VEGFC: variants seen among roughly 807,000 people sequenced by gnomAD.
VEGFC encodes the protein vascular endothelial growth factor C.
A neutral mutation model predicts 46.1 loss-of-function variants in VEGFC; 12 were observed. The ratio of observed to expected loss-of-function variants is 0.26; its 90% confidence interval spans 0.17 to 0.42. VEGFC has a LOEUF of 0.42. Among genes scored for constraint, VEGFC ranks in the 10% least tolerant of loss-of-function variants. The probability of loss-of-function intolerance (pLI) is 1.00; values close to 1 mark genes in which losing one functional copy is unlikely to be tolerated. For missense variants in VEGFC, 488 were observed against 529.4 expected (o/e 0.92, Z 0.77); for synonymous variants, 232 against 195.5 (o/e 1.19, Z -1.56).
chr4:176,697,734 C>A (rs1180537507), intron 4 of VEGFC, among the ~76,000 whole-genome samples: 1 of 151,364 alleles, frequency 6.6e-6, no homozygotes, highest in African/African-American at 2.4e-5. Flanking sequence ...TGGAACCAAC[C>A]CAAATGTCCA....
intron 1 of VEGFC, among the ~76,000 whole-genome samples, chr4:176,784,061 C>CTTT (rs1553998053): frequency 2.8e-5 from 1 of 35,178 alleles, no homozygotes; most frequent in African/African-American, 4.7e-5. Flanking sequence ...TATGCACATG[C>CTTT]TGTTTTTTTT....
At chr4:176,764,508 A>G (rs1233296606) in intron 1 of VEGFC, among the ~76,000 whole-genome samples, 2 of 152,328 alleles carry the variant, frequency 1.3e-5, no homozygotes, top group South Asian at 2.1e-4. Flanking sequence ...AGCCAAGCAA[A>G]TATCTTCTGA....
intron 1 of VEGFC, among the ~76,000 whole-genome samples, chr4:176,740,321 A>T (rs1181720485): frequency 8.3e-6 from 1 of 120,332 alleles, no homozygotes; most frequent in Non-Finnish European, 1.6e-5. Context: ...AACTATATTT[A>T]TAAATAAATA....
In VEGFC at chr4:176,687,452, C is replaced by T. The variant is rs745847895; in HGVS notation, c.880G>A (p.Val294Ile). Residue 294 changes from valine to isoleucine, a missense_variant, in exon 6 of 7, where the codon GTC (valine) becomes ATC (isoleucine). Transcript: ENST00000618562. The part of the protein sequence containing the change: ...KELDEETCQC[V>I]CRAGLRPASC... ...GCAGGCCGAAGCCCCGCTCTGCAGA[C>T]ACACTGACAGGTCTCTTCATCCAGC... The T allele has an allele frequency of 6.2e-7, 1 of 1,614,128 alleles. No individual in the cohort carries two copies. The highest frequency in any genetic ancestry group is 1.7e-4 in the Middle Eastern group (1 of 6,058).
At chr4:176,744,373 C>A (rs191382292) in intron 1 of VEGFC, among the ~76,000 whole-genome samples, 1 of 151,938 alleles carries the variant, frequency 6.6e-6, no homozygotes, top group East Asian at 1.9e-4. Flanking sequence ...AACCTATTTT[C>A]TTAGAAATGC....
intron 3 of VEGFC, among the ~76,000 whole-genome samples, chr4:176,716,883 T>C (rs1734709793): frequency 6.6e-6 from 1 of 152,166 alleles, no homozygotes; most frequent in Non-Finnish European, 1.5e-5. Context: ...GATACTATTG[T>C]CAGACTATTT....
At chr4:176,700,160 T>C (rs990779685) in intron 4 of VEGFC, among the ~76,000 whole-genome samples, 1 of 152,252 alleles carries the variant, frequency 6.6e-6, no homozygotes, top group African/African-American at 2.4e-5. Context: ...CTTACGCCTG[T>C]AATCCCAGCA....
At chr4:176,733,886 G>C (rs1735007466) in intron 1 of VEGFC, among the ~76,000 whole-genome samples, 1 of 151,778 alleles carries the variant, frequency 6.6e-6, no homozygotes, top group Non-Finnish European at 1.5e-5. Flanking sequence ...CAACCCTAAT[G>C]CTCTTGATTT....
At chr4:176,696,882 G>A (rs960250213) in intron 4 of VEGFC, among the ~76,000 whole-genome samples, 4 of 152,120 alleles carry the variant, frequency 2.6e-5, no homozygotes, top group African/African-American at 7.2e-5. Context: ...AAGCAATGGG[G>A]AAAGGATGCC....
intron 1 of VEGFC, among the ~76,000 whole-genome samples, chr4:176,730,605 T>G (rs1297200492): frequency 6.6e-6 from 1 of 152,124 alleles, no homozygotes; most frequent in Non-Finnish European, 1.5e-5. Flanking sequence ...GTAAATACTT[T>G]GGACACTGGT....
At chr4:176,781,425 A>G (rs1049984645) in intron 1 of VEGFC, among the ~76,000 whole-genome samples, 2 of 152,236 alleles carry the variant, frequency 1.3e-5, no homozygotes, top group East Asian at 1.9e-4. Flanking sequence ...ACAGACACAA[A>G]CAAAAAGAAA....
chr4:176,777,973 A>T (rs146812818), intron 1 of VEGFC, among the ~76,000 whole-genome samples: 76 of 147,574 alleles, frequency 5.1e-4, no homozygotes, highest in African/African-American at 1.8e-3. Context: ...TATGTAGAGG[A>T]TCTATTTTAT....
chr4:176,766,847 AAT>A (rs910078012), intron 1 of VEGFC, among the ~76,000 whole-genome samples: 24 of 152,060 alleles, frequency 1.6e-4, no homozygotes, highest in African/African-American at 5.6e-4. Context: ...GTTGATCGTA[AAT>A]ATAAATCTGA....
chr4:176,738,724 CT>C (rs2111028358), intron 1 of VEGFC, among the ~76,000 whole-genome samples: 1 of 152,084 alleles, frequency 6.6e-6, no homozygotes, highest in Non-Finnish European at 1.5e-5. Context: ...AACTAAAGAG[CT>C]TCTTCACAGC....
At chr4:176,716,996 T>C (rs1269419629) in intron 3 of VEGFC, among the ~76,000 whole-genome samples, 1 of 152,214 alleles carries the variant, frequency 6.6e-6, no homozygotes, top group Non-Finnish European at 1.5e-5. Context: ...TCCAAGTATG[T>C]TTATTTAGTA....
chr4:176,753,737 ACT>A (rs1735377903), intron 1 of VEGFC, among the ~76,000 whole-genome samples: 1 of 152,020 alleles, frequency 6.6e-6, no homozygotes, highest in African/African-American at 2.4e-5. Context: ...GACAATTTTT[ACT>A]CTCAATTAAT....
chr4:176,775,514 A>T (rs1466256572), intron 1 of VEGFC, among the ~76,000 whole-genome samples: 1 of 152,168 alleles, frequency 6.6e-6, no homozygotes, highest in East Asian at 1.9e-4. Context: ...GACTTTTGTA[A>T]TTGCAGTTAA....
At chr4:176,737,707 C>A (rs1251033140) in intron 1 of VEGFC, among the ~76,000 whole-genome samples, 2 of 151,642 alleles carry the variant, frequency 1.3e-5, no homozygotes, top group Non-Finnish European at 2.9e-5. Context: ...CAATTCTTCA[C>A]AATTTATTTT....
rs929989788 is a variant in VEGFC, at chr4:176,788,222, T to C, written c.147+3943A>G. 3.3e-5 allele frequency among the ~76,000 whole-genome samples: 5 copies of C among 152,354 alleles called. No homozygotes were observed. The South Asian group carries it at 1.0e-3, about 32-fold the overall frequency. On this transcript the variant is annotated intron_variant, in intron 1 of 6. Coordinates refer to ENST00000618562, the MANE Select transcript of VEGFC (RefSeq NM_005429.5). ...CAGTTAAGCAGTCGTTCTTATAATA[T>C]TACCATGGATTAGGTCATTTATAAT...
Sources: gnomAD v4.1 joint callset for allele counts (sites outside exome capture counted in the v4.1 genomes callset) on GRCh38, gnomAD v4.1.1 for gene constraint, MANE v1.5 for transcripts, NCBI Gene and HGNC (gene_info 2026-07-23, HGNC 2026-07-21) for gene names.